PDE10A: variants seen among roughly 807,000 people sequenced by gnomAD.
PDE10A encodes cAMP and cAMP-inhibited cGMP 3',5'-cyclic phosphodiesterase 10A.
PDE10A carries 39 observed loss-of-function variants against 97.7 expected under a neutral mutation model. The ratio of observed to expected loss-of-function variants is 0.40; its 90% CI spans 0.31 to 0.52. The LOEUF (loss-of-function observed/expected upper bound fraction) is 0.52. Among genes scored for constraint, PDE10A ranks in the 20% least tolerant of loss-of-function variants. The pLI is 0.56. For missense variants in PDE10A, 731 were observed against 1,047.8 expected, an observed-to-expected ratio of 0.70 and a Z score of 4.17; for synonymous variants, 371 against 376.8, an observed-to-expected ratio of 0.98 and a Z score of 0.18.
At chr6:165,648,074 GCA>G (rs1242806153) in intron 1 of PDE10A, among the ~76,000 whole-genome samples, 1 of 152,086 alleles carries the variant, frequency 6.6e-6, no homozygotes, top group Admixed American at 6.5e-5. Flanking sequence ...AGTGCAGTGT[GCA>G]ATCTTGGCTC....
At chr6:165,453,496 G>A (rs1261328898) in intron 3 of PDE10A, among the ~76,000 whole-genome samples, 1 of 152,208 alleles carries the variant, frequency 6.6e-6, no homozygotes, top group African/African-American at 2.4e-5. Context: ...AGGGCCTTGA[G>A]GGCAAGGTTT....
At chr6:165,367,733 C>A (rs1273163978) in intron 18 of PDE10A, among the ~76,000 whole-genome samples, 9 of 150,400 alleles carry the variant, frequency 6.0e-5, no homozygotes, top group Non-Finnish European at 1.3e-4. Context: ...AATCTGCCCA[C>A]TAAGAACTCT....
At chr6:165,774,313 A>G (rs1778099647) in intron 1 of PDE10A, among the ~76,000 whole-genome samples, 1 of 152,000 alleles carries the variant, frequency 6.6e-6, no homozygotes, top group Non-Finnish European at 1.5e-5. Context: ...CAATAATAGA[A>G]ATTACTTTTC....
At chr6:165,663,718 T>G (rs148880779), upstream of PDE10A, among the ~76,000 whole-genome samples, 1 of 152,216 alleles carries the variant, frequency 6.6e-6, no homozygotes, top group East Asian at 1.9e-4. Flanking sequence ...GAACTTCGTG[T>G]GCACAAGCCC....
At chr6:165,576,242 T>G (rs188491157) in intron 1 of PDE10A, among the ~76,000 whole-genome samples, 7 of 152,318 alleles carry the variant, frequency 4.6e-5, no homozygotes, top group Non-Finnish European at 8.8e-5. Context: ...GGGGCTTGAC[T>G]GAAGGTTGGC....
At chr6:165,637,862 C>T (rs972432288) in intron 1 of PDE10A, among the ~76,000 whole-genome samples, 6 of 152,174 alleles carry the variant, frequency 3.9e-5, no homozygotes, top group African/African-American at 1.4e-4. Context: ...CAAAATCTGG[C>T]TTGATTTTCC....
intron 1 of PDE10A, among the ~76,000 whole-genome samples, chr6:165,909,606 C>T (rs898419020): frequency 6.6e-5 from 10 of 152,160 alleles, no homozygotes; most frequent in African/African-American, 2.4e-4. Context: ...CCCATTGGTT[C>T]CAGGTGGAAG....
chr6:165,835,855 G>C (rs937873498), intron 1 of PDE10A, among the ~76,000 whole-genome samples: 3 of 152,130 alleles, frequency 2.0e-5, no homozygotes, highest in Non-Finnish European at 4.4e-5. Context: ...AGAGTAAGTT[G>C]AGCCACGATA....
chr6:165,741,744 G>C (rs190654472), intron 1 of PDE10A, among the ~76,000 whole-genome samples: 2 of 152,246 alleles, frequency 1.3e-5, no homozygotes, highest in East Asian at 1.9e-4. Context: ...CTCTTATTGA[G>C]AGGGAGAGAA....
intron 8 of PDE10A, 48 bp downstream of exon 8, chr6:165,431,374 A>G: frequency 7.5e-7 from 1 of 1,331,760 alleles, no homozygotes; most frequent in Non-Finnish European, 1.0e-6. Flanking sequence ...CACTCCAAAA[A>G]CCTCTTCTCC....
intron 1 of PDE10A, among the ~76,000 whole-genome samples, chr6:165,859,565 T>C (rs952360401): frequency 6.6e-6 from 1 of 152,230 alleles, no homozygotes; most frequent in African/African-American, 2.4e-5. Context: ...TGTGTGGTGC[T>C]TCCCTGCCCT....
intron 1 of PDE10A, among the ~76,000 whole-genome samples, chr6:165,846,244 T>C (rs1309231391): frequency 6.6e-6 from 1 of 152,196 alleles, no homozygotes; most frequent in African/African-American, 2.4e-5. Flanking sequence ...ATAGGGGCCA[T>C]GAGCCACACC....
rs148613704 is a variant in PDE10A at position 165,365,517 on chromosome 6, A to C, written c.2783+13677T>G. Reference sequence around the variant, plus strand: ...TCAAGACCAGCACTGGCAACATAGCAAGACTCTGTCTCAACAAATTATCTC... The same window carrying C: ...TCAAGACCAGCACTGGCAACATAGCCAGACTCTGTCTCAACAAATTATCTC... On this transcript the variant is annotated intron_variant, in intron 18 of 21. Transcript: ENST00000539869. Among the ~76,000 whole-genome samples, 20 of 152,272 alleles carry C rather than the reference A, an allele frequency of 1.3e-4. 1 individual carries two copies. The East Asian group carries it at 3.9e-3, about 29-fold the overall frequency.
Position 165,766,362 on chromosome 6 carries a change from T to C in PDE10A, c.-615+221167A>G, listed in dbSNP as rs1189213856. 2.0e-5 allele frequency among the ~76,000 whole-genome samples: 3 copies of C among 152,260 alleles called. No homozygotes were observed. The South Asian group carries it at 6.2e-4, about 31-fold the overall frequency. ...TATGATTATCTCATGTAGTTACATA[T>C]TGCTTATAAGGCGCCAGCAGTAATT... is the stretch of plus-strand genomic sequence containing the variant. On this transcript the variant is annotated intron_variant, in intron 1 of 19. Coordinates refer to the PDE10A transcript ENST00000366882.
At chr6:165,619,220 T>C (rs1020413683) in intron 1 of PDE10A, among the ~76,000 whole-genome samples, 1 of 149,604 alleles carries the variant, frequency 6.7e-6, no homozygotes, top group Non-Finnish European at 1.5e-5. Flanking sequence ...CAGTGTAGAC[T>C]AGTGTAGTGT....
At chr6:165,407,482 T>C (rs1176422104) in intron 13 of PDE10A, among the ~76,000 whole-genome samples, 1 of 152,198 alleles carries the variant, frequency 6.6e-6, no homozygotes, top group Non-Finnish European at 1.5e-5. Context: ...TCTAGAACAA[T>C]TCCTGTCACA....
intron 2 of PDE10A, among the ~76,000 whole-genome samples, chr6:165,494,987 C>T (rs1780455734): frequency 1.3e-5 from 2 of 152,214 alleles, no homozygotes; most frequent in South Asian, 4.1e-4. Flanking sequence ...TATGAACATT[C>T]ATAAACCACT....
intron 1 of PDE10A, among the ~76,000 whole-genome samples, chr6:165,689,764 C>A (rs1791220946): frequency 6.6e-6 from 1 of 152,138 alleles, no homozygotes; most frequent in South Asian, 2.1e-4. Context: ...CTTACCCAGT[C>A]GTGGGTATTC....
At chr6:165,867,778 G>A (rs552288476) in intron 1 of PDE10A, among the ~76,000 whole-genome samples, 29 of 152,124 alleles carry the variant, frequency 1.9e-4, no homozygotes, top group African/African-American at 7.0e-4. Context: ...ATGTTAGGCT[G>A]TAATACAAGT....
Sources: allele counts gnomAD v4.1 joint callset (sites outside exome capture counted in the v4.1 genomes callset), GRCh38; gene constraint gnomAD v4.1.1; transcripts MANE v1.5; gene names NCBI Gene and HGNC (gene_info 2026-07-23, HGNC 2026-07-21).